Variants in VTA1 observed in about 807,000 individuals in gnomAD.
The protein encoded by VTA1 is vesicle trafficking 1.
VTA1 carries 24 observed loss-of-function variants against 36.9 expected under a neutral mutation model. The observed-to-expected ratio is 0.65, with a 90% CI of 0.47 to 0.91. The LOEUF is 0.91. Ranked by LOEUF, VTA1 falls within the 40% of genes least tolerant of loss-of-function variation. The pLI, the probability that VTA1 is intolerant of heterozygous loss-of-function variation, is 0.00. For missense variants in VTA1, 393 were observed against 377.2 expected (o/e 1.04, Z -0.35); for synonymous variants, 142 against 130.2 (o/e 1.09, Z -0.62).
chr6:142,163,945 A>G (rs531579289), intron 1 of VTA1, among the ~76,000 whole-genome samples: 11 of 152,302 alleles, frequency 7.2e-5, no homozygotes, highest in South Asian at 4.1e-4. Flanking sequence ...TAAAATATCA[A>G]TATAAATGCT....
intron 4 of VTA1, among the ~76,000 whole-genome samples, chr6:142,175,837 T>C (rs1026968391): frequency 3.3e-5 from 5 of 152,182 alleles, no homozygotes; most frequent in Non-Finnish European, 5.9e-5. Flanking sequence ...CTATTTTCTT[T>C]AGTCCTTCAA....
chr6:142,202,506 A>G (rs531527899), intron 6 of VTA1, among the ~76,000 whole-genome samples: 1 of 152,138 alleles, frequency 6.6e-6, no homozygotes, highest in Admixed American at 6.5e-5. Context: ...AAAAACAGCA[A>G]GACAGATTTA....
intron 7 of VTA1, among the ~76,000 whole-genome samples, chr6:142,215,081 T>C (rs1775981170): frequency 6.6e-6 from 1 of 152,234 alleles, no homozygotes; most frequent in African/African-American, 2.4e-5. Flanking sequence ...GCACAGTGTT[T>C]ACTTTTTTAC....
At chr6:142,212,017 C>T (rs1176205152) in intron 7 of VTA1, among the ~76,000 whole-genome samples, 1 of 152,162 alleles carries the variant, frequency 6.6e-6, no homozygotes, top group Non-Finnish European at 1.5e-5. Flanking sequence ...TTGACAGCAC[C>T]AAATGCTGGT....
chr6:142,193,021 T>C lies in VTA1; in HGVS notation c.520+3487T>C, dbSNP rs555225715. Among the ~76,000 whole-genome samples, 3 of 152,208 alleles carry C rather than the reference T, an allele frequency of 2.0e-5. No homozygotes were observed. The East Asian group carries it at 5.8e-4, about 29-fold the overall frequency. ...ATTCAGATTTTAGCAGTTGACTCAG[T>C]AATACCCTTTGTAGTTTTCCTTCTC... On this transcript the variant is annotated intron_variant, in intron 5 of 7. Transcript: ENST00000367630.
chr6:142,215,164 C>A (rs913815962), intron 7 of VTA1, among the ~76,000 whole-genome samples: 1 of 152,070 alleles, frequency 6.6e-6, no homozygotes, highest in Non-Finnish European at 1.5e-5. Flanking sequence ...ATTGGCCAGG[C>A]GCGGTGGCAC....
At position 142,219,154 on chromosome 6, in the gene VTA1, A is replaced by T. The variant is rs1214805723; in HGVS notation, c.*511A>T. Reference sequence around the variant, plus strand: ...AACTGCTGGATGAATCTGAAAAGACATTAAGTTCAAATTTTAATTTATTCT... The same window carrying T: ...AACTGCTGGATGAATCTGAAAAGACTTTAAGTTCAAATTTTAATTTATTCT... On this transcript the variant is annotated 3_prime_UTR_variant, in exon 8 of 8. Transcript: ENST00000367630. 1 of 152,240 alleles carries T rather than the reference A, an allele frequency of 6.6e-6. No individual in the cohort carries two copies. The highest frequency in any genetic ancestry group is 1.9e-4 in the East Asian group (1 of 5,200). The allele number at this position is 152,240 out of a possible 1,614,324, so 9.4% of individuals were successfully genotyped here. A position where few individuals can be genotyped will look rare whatever the true frequency, so the allele number is the denominator to read the frequency against.
At chr6:142,196,053 G>A (rs1775545229) in intron 5 of VTA1, among the ~76,000 whole-genome samples, 1 of 152,034 alleles carries the variant, frequency 6.6e-6, no homozygotes, top group Non-Finnish European at 1.5e-5. Flanking sequence ...GGTTTTACTA[G>A]TTCTGCCAGT....
intron 2 of VTA1, 128 bp from the exon 3 acceptor site, chr6:142,169,422 A>G (rs1774986825): frequency 2.7e-6 from 3 of 1,102,566 alleles, no homozygotes; most frequent in South Asian, 3.1e-5. Flanking sequence ...GCAAGATTTC[A>G]TTGATGACAT....
chr6:142,217,363 AC>A (rs1265517534), intron 7 of VTA1, among the ~76,000 whole-genome samples: 1 of 152,138 alleles, frequency 6.6e-6, no homozygotes, highest in Non-Finnish European at 1.5e-5. Context: ...CAGTGAAGTT[AC>A]TGAGCACCTG....
chr6:142,185,774 A>G (rs951396208), intron 4 of VTA1, among the ~76,000 whole-genome samples: 1 of 152,202 alleles, frequency 6.6e-6, no homozygotes, highest in Non-Finnish European at 1.5e-5. Flanking sequence ...GAACTTCCTA[A>G]ATCCAATAGC....
Position 142,169,538 on chromosome 6 carries a change from A to G in VTA1, c.208-12A>G, listed in dbSNP as rs551033393. 3.5e-5 allele frequency: 57 copies of G among 1,606,230 alleles called. No homozygotes were observed. The South Asian group carries it at 6.3e-4, about 18-fold the overall frequency. ...TCCAAAATCATAAGCTATGTATCTGATTTTATTTTAGCTAAAGAAGCAGTT... is the reference window on the plus strand; with the variant it reads ...TCCAAAATCATAAGCTATGTATCTGGTTTTATTTTAGCTAAAGAAGCAGTT... On this transcript the variant is annotated splice_polypyrimidine_tract_variant and intron_variant, in intron 2 of 7. Coordinates refer to ENST00000367630, the MANE Select transcript of VTA1 (RefSeq NM_016485.5).
At chr6:142,209,903 C>G (rs1775869280) in intron 7 of VTA1, among the ~76,000 whole-genome samples, 2 of 151,294 alleles carry the variant, frequency 1.3e-5, no homozygotes, top group Non-Finnish European at 1.5e-5. Context: ...GACATTTTAC[C>G]AAAAAAAAGA....
intron 6 of VTA1, among the ~76,000 whole-genome samples, chr6:142,203,225 C>A (rs145153816): frequency 2.4e-3 from 362 of 152,096 alleles, no homozygotes; most frequent in African/African-American, 8.2e-3. Flanking sequence ...ATTTTTCCCA[C>A]TTTACCCTTT....
At chr6:142,198,329 A>G (rs1775607594) in intron 5 of VTA1, 110 bp from the exon 6 acceptor site, 1 of 1,035,790 alleles carries the variant, frequency 9.7e-7, no homozygotes, top group African/African-American at 1.6e-5. Flanking sequence ...ACTGCATTAA[A>G]TAGAATTGCA....
In VTA1 at chr6:142,169,663, T is replaced by C. The variant is rs1024124027; in HGVS notation, c.321T>C (p.Ala107=). Residue 107 remains alanine (A), a synonymous_variant, in exon 3 of 8, where the codon GCT becomes GCC. Coordinates refer to ENST00000367630, the MANE Select transcript of VTA1 (RefSeq NM_016485.5). ...MFLYADNEDR[A]GRFHKNMIKS... The stretch of plus-strand genomic sequence containing the variant: ...TGTATGCAGACAATGAAGATCGTGC[T>C]GGACGATTTCACAAGTAAGTAAAGA... The C allele has an allele frequency of 6.3e-7, 1 of 1,590,048 alleles. No individual in the cohort carries two copies. Among genetic ancestry groups the C allele is most frequent in the African/African-American group, 1.4e-5 (1 of 73,762 alleles).
intron 3 of VTA1, 107 bp from the exon 4 acceptor site, chr6:142,170,239 C>A (rs547808027): frequency 9.4e-6 from 7 of 745,984 alleles, no homozygotes; most frequent in African/African-American, 3.6e-5. Flanking sequence ...ACATGAATTT[C>A]AGAGTGCTTT....
chr6:142,211,527 C>T (rs1325364546), intron 7 of VTA1, among the ~76,000 whole-genome samples: 6 of 151,896 alleles, frequency 4.0e-5, no homozygotes, highest in Non-Finnish European at 7.4e-5. Flanking sequence ...TTGGCTAACA[C>T]GGTGAAACCC....
chr6:142,223,632 T>C lies in VTA1; in HGVS notation c.*4989T>C, dbSNP rs1375419631. 1 of 152,146 alleles carries C rather than the reference T, an allele frequency of 6.6e-6. No individual in the cohort carries two copies. The highest frequency in any genetic ancestry group is 6.5e-5 in the Admixed American group (1 of 15,272). 9.4% of individuals were successfully genotyped at this position (152,146 alleles called of 1,614,324 possible). ...GAATATAACTTAATGGGGAACTGGC[T>C]TCAGAGTTCAGCAATATTGGGAAGT... On this transcript the variant is annotated 3_prime_UTR_variant, in exon 8 of 8. Transcript: ENST00000367630.
Sources: gnomAD v4.1 joint callset for allele counts (sites outside exome capture counted in the v4.1 genomes callset) on GRCh38, gnomAD v4.1.1 for gene constraint, MANE v1.5 for transcripts, NCBI Gene and HGNC (gene_info 2026-07-23, HGNC 2026-07-21) for gene names.